CAMSAP1: variants seen among roughly 807,000 people sequenced by gnomAD.
CAMSAP1 encodes the protein calmodulin-regulated spectrin-associated protein 1.
CAMSAP1 carries 58 observed loss-of-function variants against 143.5 expected under a neutral mutation model. The ratio of observed to expected loss-of-function variants is 0.40; its 90% CI spans 0.33 to 0.50. CAMSAP1 has a LOEUF of 0.50. CAMSAP1 is among the 20% of genes least tolerant of loss of function. CAMSAP1 has a pLI of 0.45. For missense variants in CAMSAP1, 1,969 were observed against 2,115.7 expected (o/e 0.93, Z 1.36); for synonymous variants, 945 against 859.3 (o/e 1.10, Z -1.74).
chr9:135,904,040 G>A (rs1372074235), intron 1 of CAMSAP1, among the ~76,000 whole-genome samples: 1 of 152,182 alleles, frequency 6.6e-6, no homozygotes, highest in Non-Finnish European at 1.5e-5. Flanking sequence ...TCTCCAACCT[G>A]TAAATTTAAA....
chr9:135,882,959 G>C lies in CAMSAP1; in HGVS notation c.280C>G (p.Leu94Val), dbSNP rs1838008637. The stretch of plus-strand genomic sequence containing the variant: ...GCCACCTGGTCCCCTTTCAGGATGA[G>C]GCTGCAGACACGGCAGTACAGCTCG... ...SSELYCRVCS[L>V]ILKGDQVAAL... Residue 94 changes from leucine (L) to valine (V), a missense_variant, in exon 2 of 17, where the codon CTC (leucine) becomes GTC (valine). Coordinates refer to ENST00000389532, the MANE Select transcript of CAMSAP1 (RefSeq NM_015447.4). The surrounding 1 kb of genome is among the most constrained non-coding windows in gnomAD (Gnocchi z 4.9). 6.4e-7 allele frequency: 1 copy of C among 1,551,664 alleles called. No individual in the cohort carries two copies. Among genetic ancestry groups the C allele is most frequent in the Non-Finnish European group, 8.7e-7 (1 of 1,147,024 alleles).
Position 135,813,300 on chromosome 9 carries a change from CCT to C in CAMSAP1, c.4507-1691_4507-1690del, listed in dbSNP as rs553190561. 3.1e-4 allele frequency among the ~76,000 whole-genome samples: 47 copies of C among 152,294 alleles called. No individual in the cohort carries two copies. The South Asian group carries it at 9.5e-3, about 31-fold the overall frequency. On this transcript the variant is annotated intron_variant, in intron 16 of 16. Coordinates refer to ENST00000389532, the MANE Select transcript of CAMSAP1 (RefSeq NM_015447.4). ...GGGCCCGAGCGGCTGAGATGCCAGC[CCT>C]CTTATGTCAATGCCACTCTTCTATT...
chr9:135,814,398 C>T (rs553075486), intron 16 of CAMSAP1, among the ~76,000 whole-genome samples: 1 of 152,266 alleles, frequency 6.6e-6, no homozygotes, highest in East Asian at 1.9e-4. Context: ...CGTTGTATCC[C>T]AAGGCCAGCA....
At position 135,821,193 on chromosome 9, in the gene CAMSAP1, G is replaced by T; in HGVS notation, c.3468C>A (p.Pro1156=). 1 of 1,609,794 alleles carries T rather than the reference G, an allele frequency of 6.2e-7. No individual in the cohort carries two copies. The highest frequency in any genetic ancestry group is 1.1e-5 in the South Asian group (1 of 91,092). ...GACACTTCCCATGTGGGTCACCACT[G>T]GGCTCCAGGGCACTGTCCAGGCCAG... is the stretch of plus-strand genomic sequence containing the variant. ...TDPGLDSALE[P]SGDPHGKCLF... is the part of the protein sequence containing the mutation. The change falls in exon 11 of 17, where the codon CCC becomes CCA. Residue 1156 remains proline (P), a synonymous_variant. Transcript: ENST00000389532. This position sits in a 1 kb window ranked among gnomAD's most constrained non-coding sequence, Gnocchi z 4.6.
intron 7 of CAMSAP1, among the ~76,000 whole-genome samples, chr9:135,831,199 T>C (rs1022048767): frequency 2.6e-5 from 4 of 152,062 alleles, no homozygotes; most frequent in Non-Finnish European, 4.4e-5. Context: ...AACAGGATGA[T>C]TGACAAATAC....
intron 3 of CAMSAP1, 68 bp downstream of exon 3, chr9:135,881,565 G>A: frequency 2.0e-6 from 3 of 1,512,876 alleles, no homozygotes; most frequent in Non-Finnish European, 2.7e-6. Flanking sequence ...AAGGTGTGCT[G>A]CTCTCAAGTG....
chr9:135,840,679 C>T (rs1194971179), intron 7 of CAMSAP1, among the ~76,000 whole-genome samples: 1 of 152,216 alleles, frequency 6.6e-6, no homozygotes, highest in African/African-American at 2.4e-5. Flanking sequence ...CAGCTCATTT[C>T]ATTGGGGCTG....
chr9:135,885,550 T>C (rs1464718713), intron 1 of CAMSAP1, among the ~76,000 whole-genome samples: 1 of 152,140 alleles, frequency 6.6e-6, no homozygotes, highest in Non-Finnish European at 1.5e-5. Context: ...CCAGGGAGAA[T>C]GGCAGAGCCT....
intron 7 of CAMSAP1, among the ~76,000 whole-genome samples, chr9:135,848,468 C>A (rs1464721335): frequency 1.3e-5 from 2 of 152,010 alleles, no homozygotes; most frequent in Non-Finnish European, 2.9e-5. Flanking sequence ...CCAGGAGCAC[C>A]CAACGTGCCC....
At chr9:135,845,362 G>A (rs1174169088) in intron 7 of CAMSAP1, among the ~76,000 whole-genome samples, 2 of 152,078 alleles carry the variant, frequency 1.3e-5, no homozygotes, top group African/African-American at 4.8e-5. Context: ...TTGATGGGAC[G>A]TATCTCAAAA....
chr9:135,897,653 C>T (rs1394633510), intron 1 of CAMSAP1, among the ~76,000 whole-genome samples: 5 of 152,160 alleles, frequency 3.3e-5, no homozygotes, highest in East Asian at 3.9e-4. Flanking sequence ...GCCATGATGA[C>T]GTCCATGGTG....
intron 1 of CAMSAP1, among the ~76,000 whole-genome samples, chr9:135,903,353 C>A (rs1376847837): frequency 1.3e-5 from 2 of 152,208 alleles, no homozygotes; most frequent in Non-Finnish European, 2.9e-5. Flanking sequence ...AATGCAAACA[C>A]TGTCAATGAA....
At position 135,811,509 on chromosome 9, in the gene CAMSAP1, A is replaced by G. The variant is rs1835048996; in HGVS notation, c.4609T>C (p.Tyr1537His). The change falls in exon 17 of 17, where the codon TAC becomes CAC. Residue 1537 changes from tyrosine to histidine, a missense_variant. Coordinates refer to ENST00000389532, the MANE Select transcript of CAMSAP1 (RefSeq NM_015447.4). This position sits in a 1 kb window ranked among gnomAD's most constrained non-coding sequence, Gnocchi z 4.9. ...YCYYPDTEEI[Y>H]KLTGTGPKNI... ...TTTGGCCCCGTGCCAGTGAGTTTGT[A>G]GATTTCCTCAGTATCAGGATAGTAG... is the stretch of plus-strand genomic sequence containing the variant. 2 of 1,609,398 alleles carry G rather than the reference A, an allele frequency of 1.2e-6. No individual in the cohort carries two copies. The highest frequency in any genetic ancestry group is 1.7e-6 in the Non-Finnish European group (2 of 1,177,642).
At chr9:135,870,939 A>G (rs1837551326) in intron 3 of CAMSAP1, among the ~76,000 whole-genome samples, 1 of 152,246 alleles carries the variant, frequency 6.6e-6, no homozygotes, top group South Asian at 2.1e-4. Flanking sequence ...TTAATCTTTG[A>G]GAAACTATTG....
intron 7 of CAMSAP1, among the ~76,000 whole-genome samples, chr9:135,849,436 C>T (rs1000289595): frequency 4.6e-5 from 7 of 152,240 alleles, no homozygotes; most frequent in African/African-American, 1.4e-4. Flanking sequence ...TCCTTGATGA[C>T]TGAGGCCAAG....
chr9:135,875,757 T>C (rs1837723550), intron 3 of CAMSAP1, among the ~76,000 whole-genome samples: 1 of 152,178 alleles, frequency 6.6e-6, no homozygotes, highest in South Asian at 2.1e-4. Flanking sequence ...ACCTCAACCC[T>C]TCCCTCATAT....
intron 3 of CAMSAP1, among the ~76,000 whole-genome samples, chr9:135,870,224 T>C (rs1003985358): frequency 6.6e-6 from 1 of 152,038 alleles, no homozygotes; most frequent in Non-Finnish European, 1.5e-5. Context: ...CATGGGAAGG[T>C]TTTCTCCATG....
chr9:135,852,542 T>C (rs921429038), intron 5 of CAMSAP1, among the ~76,000 whole-genome samples: 9 of 152,190 alleles, frequency 5.9e-5, no homozygotes, highest in East Asian at 1.9e-4. Flanking sequence ...CACTTTCCCA[T>C]AGAGATGTCT....
intron 1 of CAMSAP1, among the ~76,000 whole-genome samples, chr9:135,894,191 C>A (rs939103836): frequency 2.6e-5 from 4 of 152,160 alleles, no homozygotes; most frequent in Non-Finnish European, 5.9e-5. Context: ...GAAGCACTCT[C>A]CTTCCCCATC....
Sources: gnomAD v4.1 joint callset for allele counts (sites outside exome capture counted in the v4.1 genomes callset) on GRCh38, gnomAD v4.1.1 for gene constraint, Gnocchi (gnomAD v3.1) non-coding constraint, MANE v1.5 for transcripts, NCBI Gene and HGNC (gene_info 2026-07-23, HGNC 2026-07-21) for gene names.